OTUD7A: variants seen among roughly 807,000 people sequenced by gnomAD.
OTUD7A encodes OTU domain-containing protein 7A.
In OTUD7A, 12 loss-of-function variants were observed where a neutral mutation model predicts 65.7. The observed-to-expected ratio is 0.18, with a 90% CI of 0.12 to 0.30. OTUD7A has a LOEUF of 0.30. OTUD7A is among the 10% of genes least tolerant of loss of function. The probability of loss-of-function intolerance (pLI) is 1.00; values close to 1 mark genes in which losing one functional copy is unlikely to be tolerated. For missense variants in OTUD7A, 1,148 were observed against 1,304.8 expected (o/e 0.88, Z 1.85); for synonymous variants, 641 against 586.3 (o/e 1.09, Z -1.35).
intron 1 of OTUD7A, among the ~76,000 whole-genome samples, chr15:31,745,054 A>G (rs914286001): frequency 1.3e-5 from 2 of 152,112 alleles, no homozygotes; most frequent in African/African-American, 4.8e-5. Context: ...ATTAAAGAAG[A>G]CCTTACAAAA....
chr15:31,628,919 T>C (rs891444631), intron 3 of OTUD7A, among the ~76,000 whole-genome samples: 25 of 152,230 alleles, frequency 1.6e-4, no homozygotes, highest in Non-Finnish European at 4.4e-5. Flanking sequence ...ATAAGAATGC[T>C]TGTGATTTTT....
At chr15:31,736,088 A>T (rs1247828685) in intron 1 of OTUD7A, among the ~76,000 whole-genome samples, 1 of 152,206 alleles carries the variant, frequency 6.6e-6, no homozygotes, top group Admixed American at 6.5e-5. Context: ...GAGGGAGAGG[A>T]TCAGGAAAAA....
At chr15:31,507,175 T>C (rs2041588401) in intron 8 of OTUD7A, among the ~76,000 whole-genome samples, 1 of 152,164 alleles carries the variant, frequency 6.6e-6, no homozygotes, top group Admixed American at 6.5e-5. Context: ...GGGGGAATAA[T>C]GTGTATTTTA....
chr15:31,837,268 C>T (rs1403292424), intron 1 of OTUD7A, among the ~76,000 whole-genome samples: 1 of 151,738 alleles, frequency 6.6e-6, no homozygotes, highest in African/African-American at 2.4e-5. Context: ...GTGGCTCACA[C>T]CTGTAATCTC....
chr15:31,561,803 T>A (rs76426110), intron 4 of OTUD7A, among the ~76,000 whole-genome samples: 1 of 73,206 alleles, frequency 1.4e-5, no homozygotes, highest in Admixed American at 1.4e-4. Context: ...CACACACACA[T>A]TCACACACTG....
chr15:31,582,859 A>C (rs899178443), intron 3 of OTUD7A, among the ~76,000 whole-genome samples: 10 of 152,202 alleles, frequency 6.6e-5, no homozygotes, highest in Admixed American at 3.3e-4. Context: ...CAGAATCTGC[A>C]GTGCTTGGTG....
chr15:31,612,333 A>T (rs769310055), intron 3 of OTUD7A, among the ~76,000 whole-genome samples: 15 of 152,220 alleles, frequency 9.9e-5, no homozygotes, highest in Non-Finnish European at 1.9e-4. Context: ...AAGGCATCCA[A>T]ATCGGTGATG....
intron 1 of OTUD7A, among the ~76,000 whole-genome samples, chr15:31,823,442 C>T (rs1012193580): frequency 3.3e-5 from 5 of 152,190 alleles, no homozygotes; most frequent in African/African-American, 1.2e-4. Flanking sequence ...CCACACCAAG[C>T]AATCTCTGCC....
intron 1 of OTUD7A, among the ~76,000 whole-genome samples, chr15:31,823,427 G>T (rs1478599126): frequency 6.6e-6 from 1 of 152,148 alleles, no homozygotes; most frequent in Non-Finnish European, 1.5e-5. Context: ...TCAAAATGCA[G>T]ACTCCCACAC....
In OTUD7A at chr15:31,483,943, G is replaced by C; in HGVS notation, c.2153C>G (p.Pro718Arg). The change falls in exon 13 of 13, where the codon CCG becomes CGG. Residue 718 changes from proline (P) to arginine (R), a missense_variant. Pro to Arg is a moderately radical substitution (Grantham distance 103, BLOSUM62 -2). Coordinates refer to ENST00000307050, the MANE Select transcript of OTUD7A (RefSeq NM_001382637.1). Reference sequence around the variant, plus strand: ...GAGCACCAGCTGCGTGGGTGGGCCCGGAGAGGCGCGCTCCGGGACCGGCAC... The same window carrying C: ...GAGCACCAGCTGCGTGGGTGGGCCCCGAGAGGCGCGCTCCGGGACCGGCAC... ...EGVPVPERAS[P>R]GPPTQLVLKL... is the part of the protein sequence containing the mutation. The C allele has an allele frequency of 1.8e-6, 2 of 1,113,738 alleles. No homozygotes were observed. Among genetic ancestry groups the C allele is most frequent in the Non-Finnish European group, 2.2e-6 (2 of 903,974 alleles). The allele number at this position is 1,113,738 out of a possible 1,614,324, so 69.0% of individuals were successfully genotyped here. A position where few individuals can be genotyped will look rare whatever the true frequency, so the allele number is the denominator to read the frequency against.
At chr15:31,489,259 G>A (rs949742574) in intron 10 of OTUD7A, among the ~76,000 whole-genome samples, 3 of 152,182 alleles carry the variant, frequency 2.0e-5, no homozygotes, top group African/African-American at 7.2e-5. Context: ...GAATGGATGG[G>A]CCAAACCAAA....
intron 1 of OTUD7A, among the ~76,000 whole-genome samples, chr15:31,870,208 G>A (rs1403570597): frequency 6.7e-6 from 1 of 149,428 alleles, no homozygotes; most frequent in Non-Finnish European, 1.5e-5. Flanking sequence ...CGACCCAGCG[G>A]TAGCGCCGCG....
At chr15:31,850,466 G>A (rs1371921617) in intron 1 of OTUD7A, among the ~76,000 whole-genome samples, 2 of 152,160 alleles carry the variant, frequency 1.3e-5, no homozygotes, top group East Asian at 3.9e-4. Context: ...TGTAAATGAT[G>A]AGTTAATGGG....
chr15:31,760,359 T>A lies in OTUD7A; in HGVS notation c.-99-103282A>T, dbSNP rs535073600. Among the ~76,000 whole-genome samples, 6 of 152,366 alleles carry A rather than the reference T, an allele frequency of 3.9e-5. No individual in the cohort carries two copies. In the South Asian group the frequency reaches 1.2e-3, roughly 32 times the overall value. On this transcript the variant is annotated intron_variant, in intron 1 of 12. Coordinates refer to ENST00000307050, the MANE Select transcript of OTUD7A (RefSeq NM_001382637.1). ...TTGCTCATCTTAAAAATCAACTTCATATCTCCCTCCAGCTACCAATCCTTT... is the reference window on the plus strand; with the variant it reads ...TTGCTCATCTTAAAAATCAACTTCAAATCTCCCTCCAGCTACCAATCCTTT...
At chr15:31,617,178 T>C (rs2141230341) in intron 3 of OTUD7A, among the ~76,000 whole-genome samples, 1 of 152,254 alleles carries the variant, frequency 6.6e-6, no homozygotes, top group African/African-American at 2.4e-5. Flanking sequence ...AAATGGTTCT[T>C]TGGAAAGACT....
chr15:31,507,198 G>A (rs1566889052), intron 8 of OTUD7A, among the ~76,000 whole-genome samples: 1 of 152,104 alleles, frequency 6.6e-6, no homozygotes, highest in Admixed American at 6.5e-5. Context: ...AATATTTAGG[G>A]TTTTTAAAAA....
chr15:31,758,467 C>T (rs979152993), intron 1 of OTUD7A, among the ~76,000 whole-genome samples: 10 of 152,190 alleles, frequency 6.6e-5, no homozygotes, highest in African/African-American at 2.4e-4. Context: ...CAGAAACCTC[C>T]CTTCCCCGAC....
At chr15:31,802,182 T>C (rs1382000968) in intron 1 of OTUD7A, among the ~76,000 whole-genome samples, 2 of 150,680 alleles carry the variant, frequency 1.3e-5, no homozygotes, top group Non-Finnish European at 2.9e-5. Flanking sequence ...AAATATTAGC[T>C]CACATGATCA....
At chr15:31,766,041 G>A in intron 1 of OTUD7A, 1 of 1,556,112 alleles carries the variant, frequency 6.4e-7, no homozygotes, top group Non-Finnish European at 8.9e-7. Flanking sequence ...TGGCAAAGGA[G>A]CAAATAGTCC....
Sources: gnomAD v4.1 joint callset for allele counts (sites outside exome capture counted in the v4.1 genomes callset) on GRCh38, gnomAD v4.1.1 for gene constraint, MANE v1.5 for transcripts, NCBI Gene and HGNC (gene_info 2026-07-23, HGNC 2026-07-21) for gene names.